VSNL1: variants seen among roughly 807,000 people sequenced by gnomAD.
VSNL1 encodes the protein visinin-like protein 1.
In VSNL1, 6 loss-of-function variants were observed where a neutral mutation model predicts 20.4. The observed-to-expected ratio is 0.29, with a 90% CI of 0.16 to 0.58. The LOEUF is 0.58. VSNL1 is among the 20% of genes least tolerant of loss of function. VSNL1 has a pLI of 0.90. For missense variants in VSNL1, 100 were observed against 234.5 expected, an observed-to-expected ratio of 0.43 and a Z score of 3.75; for synonymous variants, 93 against 86.4, an observed-to-expected ratio of 1.08 and a Z score of -0.42.
intron 2 of VSNL1, among the ~76,000 whole-genome samples, chr2:17,611,576 C>T (rs1352807530): frequency 6.6e-6 from 1 of 152,208 alleles, no homozygotes; most frequent in Non-Finnish European, 1.5e-5. Flanking sequence ...TGAACTTGGT[C>T]AAAGAGTAGA....
intron 3 of VSNL1, among the ~76,000 whole-genome samples, chr2:17,652,372 T>C (rs2555096): frequency 0.45 from 68,506 of 152,020 alleles, 16,828 homozygotes; most frequent in African/African-American, 0.62. Flanking sequence ...AGGAATGGAA[T>C]GTGCAATCAT....
chr2:17,588,368 A>G (rs1375611777), intron 1 of VSNL1, among the ~76,000 whole-genome samples: 2 of 152,168 alleles, frequency 1.3e-5, no homozygotes, highest in African/African-American at 4.8e-5. Flanking sequence ...CATTTTTTAA[A>G]TGGGGAAATG....
intron 2 of VSNL1, among the ~76,000 whole-genome samples, chr2:17,617,781 G>A (rs1450488308): frequency 6.6e-6 from 1 of 152,054 alleles, no homozygotes; most frequent in Non-Finnish European, 1.5e-5. Flanking sequence ...CAGCTTGTCA[G>A]GCTGGGCATG....
chr2:17,541,856 C>T (rs191405015), intron 1 of VSNL1, among the ~76,000 whole-genome samples: 402 of 152,220 alleles, frequency 2.6e-3, no homozygotes, highest in Middle Eastern at 0.01. Context: ...GTGGAAGGAG[C>T]GAGGAGAGGC....
chr2:17,618,187 C>A (rs530138922), intron 2 of VSNL1, among the ~76,000 whole-genome samples: 10 of 152,306 alleles, frequency 6.6e-5, no homozygotes, highest in African/African-American at 2.2e-4. Flanking sequence ...CAAGTTACTA[C>A]AAACTGATGG....
chr2:17,547,900 CA>C lies in VSNL1; in HGVS notation c.-6+6983del, dbSNP rs1387098254. On this transcript the variant is annotated intron_variant, in intron 1 of 3. Transcript: ENST00000295156. Reference sequence around the variant, plus strand: ...TCCCTTCTCCCCCAACCTGCACTCACAGTTGATCACTGAACTTCAATAAAAA... The same window carrying C: ...TCCCTTCTCCCCCAACCTGCACTCACGTTGATCACTGAACTTCAATAAAAA... Among the ~76,000 whole-genome samples the C allele has an allele frequency of 3.9e-5, 6 of 152,222 alleles. No individual in the cohort carries two copies. In the South Asian group the frequency reaches 1.0e-3, roughly 26 times the overall value.
intron 1 of VSNL1, among the ~76,000 whole-genome samples, chr2:17,561,140 A>G (rs1369851484): frequency 6.6e-6 from 1 of 152,206 alleles, no homozygotes; most frequent in African/African-American, 2.4e-5. Flanking sequence ...GATAGAGCTT[A>G]TGGTAGGGAA....
At position 17,634,130 on chromosome 2, in the gene VSNL1, G is replaced by C. The variant is rs924963412; in HGVS notation, c.163-15280G>C. 1.3e-5 allele frequency among the ~76,000 whole-genome samples: 2 copies of C among 152,078 alleles called. No individual in the cohort carries two copies. Among genetic ancestry groups the C allele is most frequent in the African/African-American group, 4.8e-5 (2 of 41,382 alleles). ...GGAGTGTGGGGGAGAAGGTGGAGGA[G>C]GGCATCAAAGAGCGTGCAGTAGAGA... On this transcript the variant is annotated intron_variant, in intron 2 of 3. Coordinates refer to ENST00000295156, the MANE Select transcript of VSNL1 (RefSeq NM_003385.5). The surrounding 1 kb of genome is among the most constrained non-coding windows in gnomAD (Gnocchi z 4.3).
chr2:17,565,683 T>A (rs1365027697), intron 1 of VSNL1, among the ~76,000 whole-genome samples: 1 of 152,202 alleles, frequency 6.6e-6, no homozygotes, highest in African/African-American at 2.4e-5. Flanking sequence ...TAACTGAATG[T>A]CTACAGGGCA....
intron 1 of VSNL1, among the ~76,000 whole-genome samples, chr2:17,551,535 G>C (rs1324136310): frequency 6.6e-6 from 1 of 152,154 alleles, no homozygotes; most frequent in African/African-American, 2.4e-5. Flanking sequence ...TGATAAAGTG[G>C]CTATACAAGG....
chr2:17,613,238 T>C (rs531236655), intron 2 of VSNL1, among the ~76,000 whole-genome samples: 1 of 152,256 alleles, frequency 6.6e-6, no homozygotes, highest in Non-Finnish European at 1.5e-5. Flanking sequence ...TTGGCAGGAG[T>C]GATTTCTCAA....
intron 1 of VSNL1, among the ~76,000 whole-genome samples, chr2:17,560,126 T>C (rs540719507): frequency 6.6e-6 from 1 of 151,456 alleles, no homozygotes. Context: ...GACAAAGTGC[T>C]TATATGTAAC....
chr2:17,634,625 T>C lies in VSNL1; in HGVS notation c.163-14785T>C, dbSNP rs536095384. ...CGTCCCCTGACACCCTCATCTCTCC[T>C]CTGAGATCAGCAAAGTAAGAATGAG... On this transcript the variant is annotated intron_variant, in intron 2 of 3. Coordinates refer to ENST00000295156, the MANE Select transcript of VSNL1 (RefSeq NM_003385.5). This position sits in a 1 kb window ranked among gnomAD's most constrained non-coding sequence, Gnocchi z 4.3. 1.4e-4 allele frequency among the ~76,000 whole-genome samples: 22 copies of C among 152,306 alleles called. No individual in the cohort carries two copies. Among genetic ancestry groups the C allele is most frequent in the Middle Eastern group, 6.8e-3 (2 of 294 alleles).
rs772622268 is a variant in VSNL1, at chr2:17,656,959, C to T, written c.*1565C>T. 5 of 152,212 alleles carry T rather than the reference C, an allele frequency of 3.3e-5. No homozygotes were observed. Among genetic ancestry groups the T allele is most frequent in the East Asian group, 1.9e-4 (1 of 5,186 alleles). The allele number at this position is 152,212 out of a possible 1,614,324, so 9.4% of individuals were successfully genotyped here. On this transcript the variant is annotated 3_prime_UTR_variant, in exon 4 of 4. Coordinates refer to ENST00000295156, the MANE Select transcript of VSNL1 (RefSeq NM_003385.5). ...TATCAAATTCGTTTTTTACCGAATTCGTTTTTTACCATTCTTTATTTGTCT... is the reference window on the plus strand; with the variant it reads ...TATCAAATTCGTTTTTTACCGAATTTGTTTTTTACCATTCTTTATTTGTCT...
intron 1 of VSNL1, chr2:17,541,671 T>G (rs1663287653): frequency 6.6e-6 from 1 of 152,214 alleles, no homozygotes; most frequent in Admixed American, 6.5e-5. Flanking sequence ...TTAAAAAATG[T>G]AAATCAAGGT....
chr2:17,586,090 T>C (rs1215471767), intron 1 of VSNL1, among the ~76,000 whole-genome samples: 3 of 152,150 alleles, frequency 2.0e-5, no homozygotes, highest in Admixed American at 6.5e-5. Context: ...ATTACAGGCA[T>C]AAGCCACTGC....
intron 2 of VSNL1, among the ~76,000 whole-genome samples, chr2:17,613,934 T>A (rs555680554): frequency 1.3e-5 from 2 of 152,346 alleles, no homozygotes; most frequent in South Asian, 4.1e-4. Context: ...GATAGACAGT[T>A]CGCTGTATTA....
At chr2:17,640,289 TAAAGCTTTG>T (rs1665855538) in intron 2 of VSNL1, among the ~76,000 whole-genome samples, 1 of 147,424 alleles carries the variant, frequency 6.8e-6, no homozygotes, top group Non-Finnish European at 1.5e-5. Context: ...GAAAAGAAAC[TAAAGCTTTG>T]AAAAGATTAA....
At chr2:17,631,671 T>C (rs1665633072) in intron 2 of VSNL1, among the ~76,000 whole-genome samples, 1 of 152,208 alleles carries the variant, frequency 6.6e-6, no homozygotes, top group African/African-American at 2.4e-5. Flanking sequence ...TTTGATTAAA[T>C]AAATTATAGA....
Sources: gnomAD v4.1 joint callset for allele counts (sites outside exome capture counted in the v4.1 genomes callset) on GRCh38, gnomAD v4.1.1 for gene constraint, Gnocchi (gnomAD v3.1) non-coding constraint, MANE v1.5 for transcripts, NCBI Gene and HGNC (gene_info 2026-07-23, HGNC 2026-07-21) for gene names.